XKR6: variants seen among roughly 807,000 people sequenced by gnomAD.
XKR6 encodes the protein XK related 6.
A neutral mutation model predicts 56.7 loss-of-function variants in XKR6; 22 were observed. The ratio of observed to expected loss-of-function variants is 0.39; its 90% CI spans 0.28 to 0.55. The LOEUF (loss-of-function observed/expected upper bound fraction) is 0.55. Ranked by LOEUF, XKR6 falls within the 20% of genes least tolerant of loss-of-function variation. XKR6 has a pLI of 0.66. For synonymous variants in XKR6, 524 were observed against 387.8 expected (o/e 1.35, Z -4.13); for missense variants, 852 against 889.0 (o/e 0.96, Z 0.53).
chr8:11,123,637 A>T (rs540343878), intron 1 of XKR6: 16 of 332,444 alleles, frequency 4.8e-5, no homozygotes, highest in Admixed American at 7.8e-5. Context: ...ATACTTGGCT[A>T]TATAAAGTTT....
At chr8:11,012,804 C>G (rs1181851862) in intron 1 of XKR6, among the ~76,000 whole-genome samples, 1 of 152,158 alleles carries the variant, frequency 6.6e-6, no homozygotes. Flanking sequence ...TACATTTTAT[C>G]CCATGTCAGG....
At position 11,097,486 on chromosome 8, in the gene XKR6, A is replaced by T. The variant is rs534666978; in HGVS notation, c.764+103090T>A. On this transcript the variant is annotated intron_variant, in intron 1 of 2. Coordinates refer to ENST00000416569, the MANE Select transcript of XKR6 (RefSeq NM_173683.4). ...GGCAATATTTTCTTTTTTTTTTTAA[A>T]AAAAAAAAGGCAATAAATATTGGTT... is the stretch of plus-strand genomic sequence containing the variant. 4.3e-3 allele frequency among the ~76,000 whole-genome samples: 616 copies of T among 144,650 alleles called. 5 individuals are homozygous for T. The highest frequency in any genetic ancestry group is 0.015 in the African/African-American group (568 of 37,246). The allele number at this position is 144,650 out of a possible 152,430, so 94.9% of individuals were successfully genotyped here. A position where few individuals can be genotyped will look rare whatever the true frequency, so the allele number is the denominator to read the frequency against.
At chr8:10,985,346 G>C (rs1253257270) in intron 1 of XKR6, among the ~76,000 whole-genome samples, 1 of 151,982 alleles carries the variant, frequency 6.6e-6, no homozygotes, top group Non-Finnish European at 1.5e-5. Context: ...TTGCCAGCAG[G>C]CCACCATGTA....
chr8:10,912,257 T>G lies in XKR6; in HGVS notation c.961+12377A>C, dbSNP rs370637256. ...GGGAGAGAGAGAGGGTGTGTGTGTA[T>G]ATATATACAGAGAGAAATGGTGTGT... On this transcript the variant is annotated intron_variant, in intron 2 of 2. Coordinates refer to ENST00000416569, the MANE Select transcript of XKR6 (RefSeq NM_173683.4). Among the ~76,000 whole-genome samples the G allele has an allele frequency of 5.0e-5, 7 of 141,130 alleles. No individual in the cohort carries two copies. In the East Asian group the frequency reaches 1.1e-3, roughly 22 times the overall value. The allele number at this position is 141,130 out of a possible 152,430, so 92.6% of individuals were successfully genotyped here.
chr8:11,028,014 C>T (rs1798908518), intron 1 of XKR6, among the ~76,000 whole-genome samples: 1 of 152,052 alleles, frequency 6.6e-6, no homozygotes, highest in Non-Finnish European at 1.5e-5. Context: ...TGGTGTTGAA[C>T]ATTCTGGGAA....
At position 11,201,357 on chromosome 8, in the gene XKR6, C is replaced by A; in HGVS notation, c.-18G>T. The A allele has an allele frequency of 7.8e-7, 1 of 1,277,688 alleles. No homozygotes were observed. The highest frequency in any genetic ancestry group is 1.0e-6 in the Non-Finnish European group (1 of 988,762). 79.1% of individuals were successfully genotyped at this position (1,277,688 alleles called of 1,614,324 possible). Reference sequence around the variant, plus strand: ...GCCGCCATCTTGACTCTCTTCCCAGCTCCGGAGGTTGGGGGGGAGGGACGG... The same window carrying A: ...GCCGCCATCTTGACTCTCTTCCCAGATCCGGAGGTTGGGGGGGAGGGACGG... On this transcript the variant is annotated 5_prime_UTR_variant, in exon 1 of 3. Coordinates refer to ENST00000416569, the MANE Select transcript of XKR6 (RefSeq NM_173683.4).
At chr8:11,146,843 G>A (rs1395676535) in intron 1 of XKR6, among the ~76,000 whole-genome samples, 1 of 151,858 alleles carries the variant, frequency 6.6e-6, no homozygotes, top group Non-Finnish European at 1.5e-5. Context: ...GACCTGGAGG[G>A]CATTATGTTA....
intron 1 of XKR6, among the ~76,000 whole-genome samples, chr8:11,075,461 G>A (rs558425327): frequency 9.8e-5 from 15 of 152,308 alleles, no homozygotes; most frequent in African/African-American, 3.4e-4. Context: ...AGCCCAGGTT[G>A]ATGACAGGAA....
intron 1 of XKR6, chr8:11,113,950 G>A (rs1011289312): frequency 2.5e-5 from 8 of 323,444 alleles, no homozygotes; most frequent in African/African-American, 4.4e-5. Context: ...AACACATGAA[G>A]GCCTCCCTCT....
chr8:11,019,270 C>T (rs952070921), intron 1 of XKR6, among the ~76,000 whole-genome samples: 3 of 152,190 alleles, frequency 2.0e-5, no homozygotes, highest in African/African-American at 7.2e-5. Flanking sequence ...TCCTCTCTGA[C>T]TTGCTTTCTA....
At chr8:11,103,428 A>G (rs1798560143) in intron 1 of XKR6, among the ~76,000 whole-genome samples, 1 of 152,236 alleles carries the variant, frequency 6.6e-6, no homozygotes, top group African/African-American at 2.4e-5. Flanking sequence ...GCTGTCCCAG[A>G]GCCACATAGT....
At chr8:11,166,606 CTT>C (rs57894833) in intron 1 of XKR6, among the ~76,000 whole-genome samples, 8,138 of 152,116 alleles carry the variant, frequency 0.053, 723 homozygotes, top group African/African-American at 0.19. Flanking sequence ...GAGTTTCACT[CTT>C]GTCGCTCAGG....
intron 2 of XKR6, among the ~76,000 whole-genome samples, chr8:10,901,494 G>A (rs182241972): frequency 3.7e-4 from 57 of 152,230 alleles, no homozygotes; most frequent in Non-Finnish European, 7.2e-4. Flanking sequence ...TTCATAGTCT[G>A]GACCAGGCTA....
intron 1 of XKR6, among the ~76,000 whole-genome samples, chr8:11,167,357 T>A (rs1255156147): frequency 2.0e-5 from 3 of 152,160 alleles, no homozygotes; most frequent in African/African-American, 4.8e-5. Flanking sequence ...GGTCCCTGGT[T>A]CCAATAGGAA....
chr8:10,901,421 C>G (rs1352903979), intron 2 of XKR6, among the ~76,000 whole-genome samples: 1 of 152,186 alleles, frequency 6.6e-6, no homozygotes, highest in Non-Finnish European at 1.5e-5. Flanking sequence ...AATCCTCCCA[C>G]TTTGACCTCC....
At chr8:10,914,811 C>G (rs923966867) in intron 2 of XKR6, among the ~76,000 whole-genome samples, 13 of 152,350 alleles carry the variant, frequency 8.5e-5, no homozygotes, top group African/African-American at 3.1e-4. Context: ...TGCTGGCCTC[C>G]TGGGTAGCCC....
intron 1 of XKR6, among the ~76,000 whole-genome samples, chr8:11,017,850 A>T (rs184503332): frequency 2.6e-5 from 4 of 152,266 alleles, no homozygotes; most frequent in Non-Finnish European, 5.9e-5. Flanking sequence ...GTGGGGCTGG[A>T]TCCCCGGATC....
intron 1 of XKR6, among the ~76,000 whole-genome samples, chr8:11,006,970 A>AT (rs1328867262): frequency 1.3e-5 from 2 of 152,144 alleles, no homozygotes; most frequent in East Asian, 3.9e-4. Flanking sequence ...CCCTTTACTA[A>AT]TGATTAGCGT....
intron 1 of XKR6, among the ~76,000 whole-genome samples, chr8:11,036,419 A>C (rs73662681): frequency 0.026 from 3,974 of 152,280 alleles, 156 homozygotes; most frequent in African/African-American, 0.09. Flanking sequence ...TCTCTGGTCA[A>C]AGAGTTTCCA....
Sources: gnomAD v4.1 joint callset for allele counts (sites outside exome capture counted in the v4.1 genomes callset) on GRCh38, gnomAD v4.1.1 for gene constraint, MANE v1.5 for transcripts, NCBI Gene and HGNC (gene_info 2026-07-23, HGNC 2026-07-21) for gene names.